The following MBOAT1 variants were observed in gnomAD, a reference collection of about 807,000 sequenced individuals.
MBOAT1 encodes membrane-bound glycerophospholipid O-acyltransferase 1.
A neutral mutation model predicts 64.4 loss-of-function variants in MBOAT1; 67 were observed. The observed-to-expected ratio is 1.04, with a 90% CI of 0.85 to 1.27. The LOEUF (loss-of-function observed/expected upper bound fraction) is 1.27. MBOAT1 is among the 50% of genes most tolerant of loss of function. The pLI is 0.00. For synonymous variants in MBOAT1, 229 were observed against 218.9 expected, an observed-to-expected ratio of 1.05 and a Z score of -0.41; for missense variants, 563 against 604.6, an observed-to-expected ratio of 0.93 and a Z score of 0.72.
chr6:20,175,925 A>G (rs1762331128), intron 1 of MBOAT1, among the ~76,000 whole-genome samples: 1 of 152,230 alleles, frequency 6.6e-6, no homozygotes, highest in African/African-American at 2.4e-5. Context: ...TCTTTAAAAA[A>G]TATATATACT....
intron 1 of MBOAT1, among the ~76,000 whole-genome samples, chr6:20,168,639 A>AGG (rs1365424540): frequency 6.8e-4 from 81 of 119,278 alleles, no homozygotes; most frequent in Non-Finnish European, 8.1e-4. Flanking sequence ...AAGAGAAGAG[A>AGG]AGAGAGGAGA....
chr6:20,156,270 CAAA>C (rs371464826), intron 1 of MBOAT1, among the ~76,000 whole-genome samples: 5 of 100,870 alleles, frequency 5.0e-5, no homozygotes, highest in Non-Finnish European at 2.1e-5. Flanking sequence ...GACTCCCTCT[CAAA>C]AAAAAAAAAA....
Position 20,212,465 on chromosome 6 carries a change from G to C in MBOAT1, c.-231C>G. The stretch of plus-strand genomic sequence containing the variant: ...GGCGCTGCAGCCACGGGCGCCGTAG[G>C]AGGGCCGGGCCCAAGGCGCCCCGCT... On this transcript the variant is annotated 5_prime_UTR_variant, in exon 1 of 13. Transcript: ENST00000324607. 5.5e-6 allele frequency: 3 copies of C among 544,046 alleles called. No homozygotes were observed. Among genetic ancestry groups the C allele is most frequent in the Non-Finnish European group, 9.7e-6 (3 of 307,958 alleles). 33.7% of individuals were successfully genotyped at this position (544,046 alleles called of 1,614,324 possible). A position where few individuals can be genotyped will look rare whatever the true frequency, so the allele number is the denominator to read the frequency against.
chr6:20,119,173 G>A (rs1760420677), intron 8 of MBOAT1, among the ~76,000 whole-genome samples: 2 of 152,116 alleles, frequency 1.3e-5, no homozygotes, highest in South Asian at 4.1e-4. Context: ...GTGACTCTGG[G>A]GCCAGCTGCA....
chr6:20,131,204 A>T lies in MBOAT1; in HGVS notation c.420-5T>A. On this transcript the variant is annotated splice_region_variant and splice_polypyrimidine_tract_variant and intron_variant, in intron 4 of 12. Coordinates refer to ENST00000324607, the MANE Select transcript of MBOAT1 (RefSeq NM_001080480.3). The stretch of plus-strand genomic sequence containing the variant: ...TGAGTGACAATCATCAGAGGCCTGG[A>T]AGGAAGACAGAAAATAATCAAGATT... 1 of 1,613,448 alleles carries T rather than the reference A, an allele frequency of 6.2e-7. No homozygotes were observed. Among genetic ancestry groups the T allele is most frequent in the African/African-American group, 1.3e-5 (1 of 75,040 alleles).
At chr6:20,182,362 C>T (rs1011481464) in intron 1 of MBOAT1, among the ~76,000 whole-genome samples, 1 of 152,238 alleles carries the variant, frequency 6.6e-6, no homozygotes, top group Non-Finnish European at 1.5e-5. Context: ...ACACCAAAGG[C>T]CCACCTCTTA....
At chr6:20,172,728 T>C (rs1256718182) in intron 1 of MBOAT1, among the ~76,000 whole-genome samples, 1 of 102,398 alleles carries the variant, frequency 9.8e-6, no homozygotes, top group South Asian at 3.0e-4. Flanking sequence ...AATATAACAC[T>C]GATCTACACA....
At position 20,124,421 on chromosome 6, in the gene MBOAT1, A is replaced by G. The variant is rs777269306; in HGVS notation, c.894T>C (p.Phe298=). ...VMQASKPKYY[F]AWTLADAVNN... is the part of the protein sequence containing the mutation. Reference sequence around the variant, plus strand: ...CATCAAACTTACCTAATGTCCATGCAAAGTAATACTTGGGCTTTGAGGCTT... The same window carrying G: ...CATCAAACTTACCTAATGTCCATGCGAAGTAATACTTGGGCTTTGAGGCTT... The change falls in exon 8 of 13, where the codon TTT becomes TTC. Residue 298 remains phenylalanine, a synonymous_variant. Coordinates refer to ENST00000324607, the MANE Select transcript of MBOAT1 (RefSeq NM_001080480.3). The G allele has an allele frequency of 5.0e-6, 8 of 1,613,764 alleles. No homozygotes were observed. Among genetic ancestry groups the G allele is most frequent in the African/African-American group, 1.3e-5 (1 of 74,920 alleles).
intron 1 of MBOAT1, among the ~76,000 whole-genome samples, chr6:20,160,687 G>A (rs1008502868): frequency 6.6e-6 from 1 of 152,130 alleles, no homozygotes; most frequent in Non-Finnish European, 1.5e-5. Context: ...AGCACAAACA[G>A]TACTCTTTTG....
chr6:20,200,994 G>A (rs148751201), intron 1 of MBOAT1, among the ~76,000 whole-genome samples: 236 of 152,248 alleles, frequency 1.6e-3, no homozygotes, highest in African/African-American at 5.4e-3. Flanking sequence ...CTCAAACACA[G>A]GAGGCAAAGA....
intron 4 of MBOAT1, among the ~76,000 whole-genome samples, chr6:20,136,473 TAAAC>T (rs1234857856): frequency 1.3e-5 from 2 of 152,114 alleles, no homozygotes; most frequent in East Asian, 1.9e-4. Flanking sequence ...AAACATGAAA[TAAAC>T]AAATCTTGAA....
chr6:20,106,500 G>C (rs921657667), intron 12 of MBOAT1, among the ~76,000 whole-genome samples: 4 of 151,968 alleles, frequency 2.6e-5, no homozygotes, highest in African/African-American at 9.7e-5. Context: ...TCAGCTCACT[G>C]CAATCTCCAC....
intron 8 of MBOAT1, 108 bp downstream of exon 8, chr6:20,124,300 T>C: frequency 9.1e-7 from 1 of 1,104,308 alleles, no homozygotes; most frequent in Non-Finnish European, 1.3e-6. Flanking sequence ...TGCCTCCCAT[T>C]ACGTGTTGAG....
At chr6:20,110,530 AAATAAT>A (rs200242152) in intron 11 of MBOAT1, among the ~76,000 whole-genome samples, 2 of 151,008 alleles carry the variant, frequency 1.3e-5, no homozygotes, top group Non-Finnish European at 3.0e-5. Context: ...TTTCTTATTA[AAATAAT>A]AATAATAATA....
At chr6:20,197,086 A>T (rs1168657032) in intron 1 of MBOAT1, among the ~76,000 whole-genome samples, 1 of 151,202 alleles carries the variant, frequency 6.6e-6, no homozygotes, top group East Asian at 1.9e-4. Flanking sequence ...CCAGGGTGAG[A>T]TGTATATGAA....
At chr6:20,105,558 A>G (rs140348539) in intron 12 of MBOAT1, among the ~76,000 whole-genome samples, 3 of 152,322 alleles carry the variant, frequency 2.0e-5, no homozygotes, top group African/African-American at 7.2e-5. Context: ...TGAGTCCAAG[A>G]GTTTGAGACC....
rs531430657 is a variant in MBOAT1 at position 20,205,870 on chromosome 6, A to G, written c.99+6266T>C. Among the ~76,000 whole-genome samples the G allele has an allele frequency of 4.7e-4, 72 of 152,242 alleles. No individual in the cohort carries two copies. The South Asian group carries it at 7.0e-3, about 15-fold the overall frequency. Reference sequence around the variant, plus strand: ...CAAAGCTCAGAGTCAGTCACTGGACACCACCTCATCAGGGCTCTGAGACCC... The same window carrying G: ...CAAAGCTCAGAGTCAGTCACTGGACGCCACCTCATCAGGGCTCTGAGACCC... On this transcript the variant is annotated intron_variant, in intron 1 of 12. Transcript: ENST00000324607.
At chr6:20,158,462 A>G (rs921715340) in intron 1 of MBOAT1, among the ~76,000 whole-genome samples, 3 of 152,226 alleles carry the variant, frequency 2.0e-5, no homozygotes, top group African/African-American at 7.2e-5. Context: ...ACCTGAAACT[A>G]TAAAACTGCT....
intron 1 of MBOAT1, among the ~76,000 whole-genome samples, chr6:20,189,616 T>G (rs1762748545): frequency 6.6e-6 from 1 of 152,220 alleles, no homozygotes; most frequent in South Asian, 2.1e-4. Context: ...CATCACCATG[T>G]TGTACAATAG....
Sources: gnomAD v4.1 joint callset for allele counts (sites outside exome capture counted in the v4.1 genomes callset) on GRCh38, gnomAD v4.1.1 for gene constraint, MANE v1.5 for transcripts, NCBI Gene and HGNC (gene_info 2026-07-23, HGNC 2026-07-21) for gene names.